Variants in NEGR1 observed in about 807,000 individuals in gnomAD.
NEGR1 encodes the protein IgLON family member 4.
A neutral mutation model predicts 40.9 loss-of-function variants in NEGR1; 10 were observed. That is an observed-to-expected ratio of 0.24 (90% CI 0.15 to 0.42). The LOEUF (loss-of-function observed/expected upper bound fraction) is 0.42. NEGR1 is among the 10% of genes least tolerant of loss of function. The pLI, the probability that NEGR1 is intolerant of heterozygous loss-of-function variation, is 1.00. For missense variants in NEGR1, 352 were observed against 438.9 expected, an observed-to-expected ratio of 0.80 and a Z score of 1.77; for synonymous variants, 185 against 166.8, an observed-to-expected ratio of 1.11 and a Z score of -0.84.
rs139356119 is a variant in NEGR1 at position 71,586,329 on chromosome 1, C to T, written c.940+6488G>A. On this transcript the variant is annotated intron_variant, in intron 6 of 6. Coordinates refer to ENST00000357731, the MANE Select transcript of NEGR1 (RefSeq NM_173808.3). ...ACAAATTATTTGGAACTGTATGACA[C>T]CTTGAGAGGCTTCAAGGCCGCTATG... Among the ~76,000 whole-genome samples, 696 of 152,252 alleles carry T rather than the reference C, an allele frequency of 4.6e-3. 2 individuals are homozygous for T. Among genetic ancestry groups the T allele is most frequent in the African/African-American group, 0.015 (632 of 41,552 alleles).
intron 3 of NEGR1, among the ~76,000 whole-genome samples, chr1:71,775,438 T>C (rs1216691917): frequency 6.6e-6 from 1 of 151,096 alleles, no homozygotes; most frequent in Non-Finnish European, 1.5e-5. Flanking sequence ...CTCTGCCTCC[T>C]GGGTTCAAAT....
intron 2 of NEGR1, among the ~76,000 whole-genome samples, chr1:71,817,750 C>T (rs538118650): frequency 2.6e-5 from 4 of 151,988 alleles, no homozygotes; most frequent in Non-Finnish European, 5.9e-5. Flanking sequence ...GATGTTGCTG[C>T]TGTTATTGAA....
At chr1:72,234,777 C>CA (rs965690169) in intron 1 of NEGR1, among the ~76,000 whole-genome samples, 6 of 151,818 alleles carry the variant, frequency 4.0e-5, no homozygotes, top group Non-Finnish European at 8.8e-5. Flanking sequence ...ACTAAAAAGT[C>CA]AAAAAAATAG....
At chr1:71,844,382 G>A (rs1659335250) in intron 2 of NEGR1, among the ~76,000 whole-genome samples, 1 of 152,156 alleles carries the variant, frequency 6.6e-6, no homozygotes, top group Non-Finnish European at 1.5e-5. Flanking sequence ...CTAACAGAGA[G>A]GGTCATAATA....
At chr1:71,442,776 G>A (rs1389594813) in intron 6 of NEGR1, among the ~76,000 whole-genome samples, 1 of 152,196 alleles carries the variant, frequency 6.6e-6, no homozygotes, top group Non-Finnish European at 1.5e-5. Flanking sequence ...TGAGACAACA[G>A]TAGTAATCCC....
intron 4 of NEGR1, among the ~76,000 whole-genome samples, chr1:71,651,956 A>C (rs1036556085): frequency 6.6e-6 from 1 of 152,144 alleles, no homozygotes; most frequent in Non-Finnish European, 1.5e-5. Flanking sequence ...GTGCTTACTA[A>C]ATTCCAGGAA....
intron 4 of NEGR1, among the ~76,000 whole-genome samples, chr1:71,667,149 G>A (rs1652271248): frequency 6.6e-6 from 1 of 152,150 alleles, no homozygotes; most frequent in Non-Finnish European, 1.5e-5. Flanking sequence ...TGAGTAAACA[G>A]AATTTTAGCA....
At chr1:72,062,016 T>C (rs1296520212) in intron 1 of NEGR1, among the ~76,000 whole-genome samples, 3 of 151,994 alleles carry the variant, frequency 2.0e-5, no homozygotes, top group African/African-American at 4.8e-5. Context: ...TGTCTTTCCC[T>C]AATGACAGTT....
chr1:72,208,041 A>G (rs2100458175), intron 1 of NEGR1, among the ~76,000 whole-genome samples: 1 of 151,840 alleles, frequency 6.6e-6, no homozygotes, highest in Admixed American at 6.6e-5. Flanking sequence ...ATAATTCTGC[A>G]TATTCTAGAA....
At chr1:71,750,917 A>T (rs1294236338) in intron 3 of NEGR1, among the ~76,000 whole-genome samples, 1 of 152,202 alleles carries the variant, frequency 6.6e-6, no homozygotes, top group Admixed American at 6.5e-5. Context: ...ATAATGGGAA[A>T]AAATGTTATA....
At chr1:71,708,561 G>A (rs1384387151) in intron 3 of NEGR1, among the ~76,000 whole-genome samples, 1 of 151,744 alleles carries the variant, frequency 6.6e-6, no homozygotes, top group African/African-American at 2.4e-5. Flanking sequence ...TAAATGGAAG[G>A]AAACAAATTA....
At chr1:71,711,459 C>G (rs540898627) in intron 3 of NEGR1, among the ~76,000 whole-genome samples, 1 of 123,822 alleles carries the variant, frequency 8.1e-6, no homozygotes, top group South Asian at 2.6e-4. Context: ...AGACATTCCA[C>G]TATTAGAATG....
At chr1:72,000,166 T>A (rs554489101) in intron 1 of NEGR1, among the ~76,000 whole-genome samples, 41 of 152,230 alleles carry the variant, frequency 2.7e-4, no homozygotes, top group African/African-American at 9.1e-4. Context: ...AAAGTCATCA[T>A]GAATGATGGT....
At chr1:71,470,506 G>A (rs900174710) in intron 6 of NEGR1, among the ~76,000 whole-genome samples, 20 of 152,040 alleles carry the variant, frequency 1.3e-4, no homozygotes, top group Admixed American at 1.3e-3. Context: ...TGTTTTTAGA[G>A]AGAATGTAAC....
At chr1:71,603,337 A>T (rs1489949028) in intron 5 of NEGR1, among the ~76,000 whole-genome samples, 1 of 152,222 alleles carries the variant, frequency 6.6e-6, no homozygotes, top group Non-Finnish European at 1.5e-5. Flanking sequence ...GATAAGATAA[A>T]AGCAAAAGAG....
At chr1:71,603,741 G>A (rs771542668) in intron 5 of NEGR1, among the ~76,000 whole-genome samples, 12 of 151,912 alleles carry the variant, frequency 7.9e-5, no homozygotes, top group Non-Finnish European at 1.3e-4. Context: ...ATAACAGAAG[G>A]TCCATTTGTA....
intron 1 of NEGR1, among the ~76,000 whole-genome samples, chr1:72,128,241 C>T (rs973293562): frequency 1.3e-5 from 2 of 152,118 alleles, no homozygotes; most frequent in South Asian, 2.1e-4. Flanking sequence ...AGTATAATCA[C>T]TTTGGATCAT....
intron 1 of NEGR1, among the ~76,000 whole-genome samples, chr1:71,988,381 T>G (rs1316718597): frequency 6.6e-6 from 1 of 151,186 alleles, no homozygotes; most frequent in Non-Finnish European, 1.5e-5. Context: ...CTACTAAAAA[T>G]ACAAAAAATT....
At chr1:72,087,730 C>A (rs114978544) in intron 1 of NEGR1, among the ~76,000 whole-genome samples, 1,942 of 145,478 alleles carry the variant, frequency 0.013, 45 homozygotes, top group African/African-American at 0.047. Context: ...GTAGCTGGGA[C>A]AACAGGTGTG....
Sources: gnomAD v4.1 joint callset for allele counts (sites outside exome capture counted in the v4.1 genomes callset) on GRCh38, gnomAD v4.1.1 for gene constraint, MANE v1.5 for transcripts, NCBI Gene and HGNC (gene_info 2026-07-23, HGNC 2026-07-21) for gene names.